SLC44A1: variants seen among roughly 807,000 people sequenced by gnomAD.
The protein encoded by SLC44A1 is solute carrier family 44 member 1, also known as choline transporter-like protein 1.
Under a neutral mutation model 79.3 loss-of-function variants are expected in SLC44A1, and 26 were observed. That is an observed-to-expected ratio of 0.33 (90% confidence interval 0.24 to 0.46). SLC44A1 has a LOEUF of 0.46. Among genes scored for constraint, SLC44A1 ranks in the 20% least tolerant of loss-of-function variants. SLC44A1 has a pLI of 1.00. For missense variants in SLC44A1, 688 were observed against 798.1 expected, an observed-to-expected ratio of 0.86 and a Z score of 1.66; for synonymous variants, 263 against 286.2, an observed-to-expected ratio of 0.92 and a Z score of 0.82.
Position 105,335,616 on chromosome 9 carries a change from A to C in SLC44A1, c.323A>C (p.Lys108Thr). Reference sequence around the variant, plus strand: ...CTGGACTTGATAAACCGGAAGATTAAGTCTGTAGCACTGTGTGTAGCAGCG... The same window carrying C: ...CTGGACTTGATAAACCGGAAGATTACGTCTGTAGCACTGTGTGTAGCAGCG... The part of the protein sequence containing the change: ...CNLDLINRKI[K>T]SVALCVAACP... Residue 108 changes from lysine (K) to threonine (T), a missense_variant, in exon 4 of 16, where the codon AAG (lysine) becomes ACG (threonine). Lys to Thr is a moderately conservative substitution (Grantham distance 78). Transcript: ENST00000374720. 2 of 1,613,416 alleles carry C rather than the reference A, an allele frequency of 1.2e-6. No homozygotes were observed. Among genetic ancestry groups the C allele is most frequent in the Non-Finnish European group, 1.7e-6 (2 of 1,179,502 alleles).
chr9:105,264,797 ATT>A (rs34275618), intron 1 of SLC44A1, among the ~76,000 whole-genome samples: 111 of 141,924 alleles, frequency 7.8e-4, no homozygotes, highest in African/African-American at 2.4e-3. Flanking sequence ...CATACCTGGA[ATT>A]TTTTTTTTTT....
At chr9:105,332,706 T>C (rs960424146) in intron 3 of SLC44A1, among the ~76,000 whole-genome samples, 10 of 152,312 alleles carry the variant, frequency 6.6e-5, no homozygotes, top group African/African-American at 2.4e-4. Flanking sequence ...TCATGAATAC[T>C]CCTACACAGA....
intron 15 of SLC44A1, among the ~76,000 whole-genome samples, chr9:105,403,994 T>C (rs758708592): frequency 4.6e-5 from 7 of 151,580 alleles, no homozygotes; most frequent in Non-Finnish European, 8.8e-5. Context: ...AGGGGAAAAA[T>C]TACCCTGACA....
intron 12 of SLC44A1, among the ~76,000 whole-genome samples, chr9:105,371,270 C>G (rs1017818167): frequency 1.3e-5 from 2 of 152,184 alleles, no homozygotes; most frequent in African/African-American, 4.8e-5. Flanking sequence ...AACAGGAGGT[C>G]AGCAAGCTTT....
intron 3 of SLC44A1, among the ~76,000 whole-genome samples, chr9:105,314,019 C>T (rs1195742108): frequency 6.6e-6 from 1 of 152,142 alleles, no homozygotes; most frequent in East Asian, 1.9e-4. Context: ...CCACCTCGAC[C>T]TCCCAAAGTG....
intron 13 of SLC44A1, among the ~76,000 whole-genome samples, chr9:105,375,661 G>A (rs1828256621): frequency 6.6e-6 from 1 of 152,072 alleles, no homozygotes; most frequent in African/African-American, 2.4e-5. Flanking sequence ...TTATATATAA[G>A]CCCCTTCAAA....
rs143087161 is a variant in SLC44A1, at chr9:105,361,455, G to A, written c.900+125G>A. 147 of 903,692 alleles carry A rather than the reference G, an allele frequency of 1.6e-4. 1 individual carries two copies. The African/African-American group carries it at 2.0e-3, about 12-fold the overall frequency. The allele number at this position is 903,692 out of a possible 1,614,324, so 56.0% of individuals were successfully genotyped here. A position where few individuals can be genotyped will look rare whatever the true frequency, so the allele number is the denominator to read the frequency against. The stretch of plus-strand genomic sequence containing the variant: ...CTGATCTCCAGTAGATAATATCTCT[G>A]TGCCATAGTGTATGAAACACTAAAA... On this transcript the variant is annotated intron_variant, in intron 8 of 15. Transcript: ENST00000374720.
intron 6 of SLC44A1, 88 bp downstream of exon 6, chr9:105,356,469 G>A (rs913954775): frequency 1.2e-6 from 1 of 837,786 alleles, no homozygotes; most frequent in South Asian, 2.0e-5. Context: ...TACAACTGGG[G>A]ATACTTGTAA....
intron 15 of SLC44A1, among the ~76,000 whole-genome samples, chr9:105,408,479 A>G (rs56191112): frequency 7.9e-5 from 12 of 152,108 alleles, no homozygotes; most frequent in Non-Finnish European, 1.3e-4. Context: ...GCATGATCTC[A>G]GCTCACTGCA....
intron 4 of SLC44A1, among the ~76,000 whole-genome samples, chr9:105,340,358 A>T (rs111280004): frequency 0.014 from 2,172 of 152,304 alleles, 57 homozygotes; most frequent in African/African-American, 0.049. Flanking sequence ...AAGTAGAATG[A>T]TAGTTGCCAG....
chr9:105,293,134 G>T (rs1041466987), intron 1 of SLC44A1, among the ~76,000 whole-genome samples: 1 of 152,164 alleles, frequency 6.6e-6, no homozygotes, highest in African/African-American at 2.4e-5. Context: ...TCCAGCCTGG[G>T]TGAGTGAGCA....
At chr9:105,438,233 A>G (rs1003426725) in intron 15 of SLC44A1, 10 of 1,521,838 alleles carry the variant, frequency 6.6e-6, no homozygotes, top group East Asian at 4.9e-5. Flanking sequence ...TCATTGTGTC[A>G]TGTTCCCCTA....
chr9:105,422,429 C>T (rs1325482133), intron 15 of SLC44A1, among the ~76,000 whole-genome samples: 7 of 151,906 alleles, frequency 4.6e-5, no homozygotes, highest in Admixed American at 2.0e-4. Flanking sequence ...GCTGGAACTA[C>T]AGGCGCGTGC....
intron 3 of SLC44A1, among the ~76,000 whole-genome samples, chr9:105,326,742 C>T (rs1195951517): frequency 6.6e-6 from 1 of 152,198 alleles, no homozygotes; most frequent in African/African-American, 2.4e-5. Context: ...AGAATCTTAA[C>T]CCTACACACT....
At chr9:105,437,890 C>T (rs1232696093) in intron 15 of SLC44A1, among the ~76,000 whole-genome samples, 5 of 152,142 alleles carry the variant, frequency 3.3e-5, no homozygotes, top group Non-Finnish European at 7.4e-5. Context: ...ACCTCTTTGT[C>T]AAAGAACAAT....
chr9:105,423,270 C>T (rs1829277537), intron 15 of SLC44A1, among the ~76,000 whole-genome samples: 1 of 152,088 alleles, frequency 6.6e-6, no homozygotes, highest in Admixed American at 6.5e-5. Flanking sequence ...TCGAGATCAG[C>T]CTGACCAACA....
intron 1 of SLC44A1, among the ~76,000 whole-genome samples, chr9:105,256,769 T>TTATTG (rs1829717646): frequency 2.0e-5 from 3 of 148,304 alleles, no homozygotes; most frequent in African/African-American, 7.4e-5. Flanking sequence ...TTATTTTATT[T>TTATTG]TATTTTATTT....
Position 105,365,681 on chromosome 9 carries a change from C to T in SLC44A1, c.1410+42C>T. 8 of 1,563,626 alleles carry T rather than the reference C, an allele frequency of 5.1e-6. No individual in the cohort carries two copies. In the South Asian group the frequency reaches 9.0e-5, roughly 18 times the overall value. ...TTTCTGTACTTTCTGTGGGCACATTCCAGACCTCAGTTCTGCATGTAGTAA... is the reference window on the plus strand; with the variant it reads ...TTTCTGTACTTTCTGTGGGCACATTTCAGACCTCAGTTCTGCATGTAGTAA... On this transcript the variant is annotated intron_variant, in intron 11 of 15. Coordinates refer to ENST00000374720, the MANE Select transcript of SLC44A1 (RefSeq NM_080546.5).
intron 15 of SLC44A1, among the ~76,000 whole-genome samples, chr9:105,436,648 G>A (rs1044410020): frequency 6.6e-6 from 1 of 152,164 alleles, no homozygotes; most frequent in Middle Eastern, 3.2e-3. Flanking sequence ...GTGGAAAATA[G>A]GAAGCCATTG....
Sources: gnomAD v4.1 joint callset for allele counts (sites outside exome capture counted in the v4.1 genomes callset) on GRCh38, gnomAD v4.1.1 for gene constraint, MANE v1.5 for transcripts, NCBI Gene and HGNC (gene_info 2026-07-23, HGNC 2026-07-21) for gene names.